Variants in RECK observed in about 807,000 individuals in gnomAD.
RECK encodes reversion inducing cysteine rich protein with kazal motifs, also known as reversion-inducing cysteine-rich protein with Kazal motifs.
A neutral mutation model predicts 115.1 loss-of-function variants in RECK; 69 were observed. The ratio of observed to expected loss-of-function variants is 0.60; its 90% confidence interval spans 0.49 to 0.73. The LOEUF is 0.73. Ranked by LOEUF, RECK falls within the 30% of genes least tolerant of loss-of-function variation. The probability of loss-of-function intolerance (pLI) is 0.00; values close to 1 mark genes in which losing one functional copy is unlikely to be tolerated. For synonymous variants in RECK, 414 were observed against 419.7 expected (o/e 0.99, Z 0.17); for missense variants, 1,047 against 1,203.7 (o/e 0.87, Z 1.93).
At chr9:36,081,509 T>G (rs1564117900) in intron 7 of RECK, among the ~76,000 whole-genome samples, 1 of 152,170 alleles carries the variant, frequency 6.6e-6, no homozygotes, top group African/African-American at 2.4e-5. Flanking sequence ...GTATCCTCAC[T>G]GAGGTTTACA....
At chr9:36,117,490 A>T (rs897433772) in intron 17 of RECK, among the ~76,000 whole-genome samples, 4 of 152,168 alleles carry the variant, frequency 2.6e-5, no homozygotes, top group African/African-American at 7.2e-5. Flanking sequence ...TACTTCTCAT[A>T]GTTCTCTGGG....
chr9:36,051,551 ACTCTTGTGGTGCATGACACTACTC>A (rs1481228543), intron 1 of RECK, among the ~76,000 whole-genome samples: 4 of 151,630 alleles, frequency 2.6e-5, no homozygotes, highest in Admixed American at 6.6e-5. Context: ...GTCTAACTTG[ACTCTTGTGGTGCATGACACTACTC>A]CTCCTGTGAT....
In RECK at chr9:36,102,082, T is replaced by G. The variant is rs1446063731; in HGVS notation, c.1299-12T>G. ...CCTCAAGCTCTAAACTTACGTGCAT[T>G]TTTTTTTCAAGATCAGATTGTGTGG... is the stretch of plus-strand genomic sequence containing the variant. On this transcript the variant is annotated splice_polypyrimidine_tract_variant and intron_variant, in intron 11 of 20. Transcript: ENST00000377966. 1 of 1,608,678 alleles carries G rather than the reference T, an allele frequency of 6.2e-7. No individual in the cohort carries two copies. The highest frequency in any genetic ancestry group is 2.2e-5 in the East Asian group (1 of 44,812).
chr9:36,066,855 G>T, intron 6 of RECK: 1 of 1,287,856 alleles, frequency 7.8e-7, no homozygotes, highest in South Asian at 1.2e-5. Flanking sequence ...TGTTGATGAA[G>T]GACAAGACAG....
Position 36,043,010 on chromosome 9 carries a change from C to CTTTTT in RECK, c.100+5938_100+5942dup, listed in dbSNP as rs61673918. 9.0e-3 allele frequency among the ~76,000 whole-genome samples: 535 copies of CTTTTT among 59,456 alleles called. 115 individuals are homozygous for CTTTTT. Among genetic ancestry groups the CTTTTT allele is most frequent in the East Asian group, 0.028 (42 of 1,482 alleles). The allele number at this position is 59,456 out of a possible 152,430, so 39.0% of individuals were successfully genotyped here. ...ACTGTCTATTCATGTCCTTAGCCCA[C>CTTTTT]TTTTTTTTTTTTTTTTTTTTTTTTT... On this transcript the variant is annotated intron_variant, in intron 1 of 20. Coordinates refer to ENST00000377966, the MANE Select transcript of RECK (RefSeq NM_021111.3).
At position 36,087,943 on chromosome 9, in the gene RECK, C is replaced by G; in HGVS notation, c.887C>G (p.Ala296Gly). 1 of 1,612,684 alleles carries G rather than the reference C, an allele frequency of 6.2e-7. No homozygotes were observed. The highest frequency in any genetic ancestry group is 8.5e-7 in the Non-Finnish European group (1 of 1,178,970). Reference sequence around the variant, plus strand: ...GCTAAATTGCATTGTTGTTCTAAAGCAAACACTTCAACATGTAGGTTAGTA... The same window carrying G: ...GCTAAATTGCATTGTTGTTCTAAAGGAAACACTTCAACATGTAGGTTAGTA... Reference protein sequence around the residue: ...DGAKLHCCSKANTSTCRELCT... With the variant: ...DGAKLHCCSKGNTSTCRELCT... The change falls in exon 9 of 21, where the codon GCA becomes GGA. Residue 296 changes from alanine (A) to glycine (G), a missense_variant. Coordinates refer to ENST00000377966, the MANE Select transcript of RECK (RefSeq NM_021111.3).
At chr9:36,047,809 CAAA>C (rs148573065) in intron 1 of RECK, among the ~76,000 whole-genome samples, 15 of 83,482 alleles carry the variant, frequency 1.8e-4, no homozygotes, top group African/African-American at 4.2e-4. Flanking sequence ...AAGCCAGTCT[CAAA>C]AAAAAAAAAA....
intron 4 of RECK, among the ~76,000 whole-genome samples, chr9:36,062,862 T>C (rs1302623066): frequency 6.6e-6 from 1 of 152,100 alleles, no homozygotes; most frequent in East Asian, 1.9e-4. Flanking sequence ...AGCCCGGGCG[T>C]GGTCGCTTAC....
intron 19 of RECK, 140 bp from the exon 20 acceptor site, chr9:36,121,393 C>A: frequency 1.4e-6 from 1 of 704,394 alleles, no homozygotes; most frequent in Non-Finnish European, 2.3e-6. Context: ...AGAATTTGGC[C>A]TAGCAAAGCT....
intron 13 of RECK, among the ~76,000 whole-genome samples, chr9:36,106,963 G>A (rs1482272489): frequency 2.0e-5 from 3 of 151,736 alleles, no homozygotes; most frequent in South Asian, 2.1e-4. Context: ...AAAATTAGCC[G>A]GGCATGGTGG....
chr9:36,110,781 A>G (rs577770913), intron 15 of RECK, among the ~76,000 whole-genome samples: 358 of 143,282 alleles, frequency 2.5e-3, no homozygotes, highest in African/African-American at 8.7e-3. Flanking sequence ...CCCCAGAATT[A>G]GTATTACATG....
chr9:36,041,342 C>T (rs7856907), intron 1 of RECK, among the ~76,000 whole-genome samples: 3,864 of 152,182 alleles, frequency 0.025, 168 homozygotes, highest in African/African-American at 0.087. Flanking sequence ...TGTGTTCTGA[C>T]CATGAGATAA....
At chr9:36,119,132 T>G (rs549009598) in intron 18 of RECK, among the ~76,000 whole-genome samples, 165 bp downstream of exon 18, 1 of 152,216 alleles carries the variant, frequency 6.6e-6, no homozygotes, top group African/African-American at 2.4e-5. Flanking sequence ...CTTAAAAAAC[T>G]AGGGCTTGCC....
intron 2 of RECK, chr9:36,057,054 A>G (rs897723337): frequency 1.0e-6 from 1 of 978,696 alleles, no homozygotes. Context: ...ATGATTTATT[A>G]TTTACTGAAA....
At chr9:36,102,942 C>A (rs1823617979) in intron 12 of RECK, among the ~76,000 whole-genome samples, 1 of 144,446 alleles carries the variant, frequency 6.9e-6, no homozygotes, top group East Asian at 2.0e-4. Flanking sequence ...GGCAACAGAG[C>A]AAGACTCTGT....
Position 36,117,119 on chromosome 9 carries a change from A to G in RECK, c.2195A>G (p.Asn732Ser), listed in dbSNP as rs1465846984. 10 of 1,614,140 alleles carry G rather than the reference A, an allele frequency of 6.2e-6. No individual in the cohort carries two copies. Among genetic ancestry groups the G allele is most frequent in the Non-Finnish European group, 8.5e-6 (10 of 1,179,970 alleles). The change falls in exon 17 of 21, where the codon AAC (asparagine) becomes AGC (serine). Residue 732 changes from asparagine to serine, a missense_variant. Asn to Ser is a conservative substitution (Grantham distance 46, BLOSUM62 1). Coordinates refer to ENST00000377966, the MANE Select transcript of RECK (RefSeq NM_021111.3). ...PVCDTDHMEH[N>S]NLCTLYQRGK... ...TGTGACACAGACCACATGGAGCACA[A>G]CAATCTCTGCACTTTATACCAAAGA...
At chr9:36,120,512 G>A in intron 18 of RECK, 151 bp from the exon 19 acceptor site, 1 of 610,758 alleles carries the variant, frequency 1.6e-6, no homozygotes, top group Non-Finnish European at 2.9e-6. Flanking sequence ...GAGGACTCCA[G>A]GTTGGTCAAG....
intron 10 of RECK, among the ~76,000 whole-genome samples, chr9:36,092,931 C>T (rs1588319478): frequency 6.6e-6 from 1 of 152,144 alleles, no homozygotes; most frequent in East Asian, 1.9e-4. Context: ...CATAAACAGA[C>T]TCCTTTTAAG....
chr9:36,083,266 T>A, intron 7 of RECK, 99 bp from the exon 8 acceptor site: 1 of 1,287,624 alleles, frequency 7.8e-7, no homozygotes. Context: ...GTTTTATTTC[T>A]CAAATTTAGA....
Sources: gnomAD v4.1 joint callset for allele counts (sites outside exome capture counted in the v4.1 genomes callset) on GRCh38, gnomAD v4.1.1 for gene constraint, MANE v1.5 for transcripts, NCBI Gene and HGNC (gene_info 2026-07-23, HGNC 2026-07-21) for gene names.